The following SEL1L2 variants were observed in gnomAD, a reference collection of about 807,000 sequenced individuals.
SEL1L2 encodes protein sel-1 homolog 2.
Under a neutral mutation model 98.8 loss-of-function variants are expected in SEL1L2, and 89 were observed. The observed-to-expected ratio is 0.90, with a 90% CI of 0.76 to 1.07. The LOEUF is 1.07. Among genes scored for constraint, SEL1L2 ranks in the 50% least tolerant of loss-of-function variants. The pLI, the probability that SEL1L2 is intolerant of heterozygous loss-of-function variation, is 0.00. For synonymous variants in SEL1L2, 262 were observed against 278.5 expected, an observed-to-expected ratio of 0.94 and a Z score of 0.59; for missense variants, 788 against 812.0, an observed-to-expected ratio of 0.97 and a Z score of 0.36.
At chr20:13,908,052 T>A (rs935872969) in intron 5 of SEL1L2, among the ~76,000 whole-genome samples, 4 of 147,238 alleles carry the variant, frequency 2.7e-5, no homozygotes, top group African/African-American at 1.0e-4. Flanking sequence ...TCCCAAAGTG[T>A]TAGGATTACA....
rs554956114 is a variant in SEL1L2 at position 13,859,586 on chromosome 20, A to T, written c.1646-152T>A. 1.2e-3 allele frequency: 784 copies of T among 630,242 alleles called. 4 individuals carry two copies. The highest frequency in any genetic ancestry group is 1.9e-3 in the Non-Finnish European group (699 of 366,034). The allele number at this position is 630,242 out of a possible 1,614,324, so 39.0% of individuals were successfully genotyped here. A position where few individuals can be genotyped will look rare whatever the true frequency, so the allele number is the denominator to read the frequency against. On this transcript the variant is annotated intron_variant, in intron 17 of 19. Transcript: ENST00000284951. ...AGGAACCAAAAACACTCAGAACCCC[A>T]GAACTGGAATTAGATATACTTTATG...
At chr20:13,933,574 A>T (rs932189066) in intron 2 of SEL1L2, among the ~76,000 whole-genome samples, 1 of 152,148 alleles carries the variant, frequency 6.6e-6, no homozygotes. Context: ...TTCAGGGTTA[A>T]TCCATGTTGT....
chr20:13,914,969 T>A (rs937802839), intron 4 of SEL1L2, among the ~76,000 whole-genome samples: 12 of 152,246 alleles, frequency 7.9e-5, no homozygotes, highest in Admixed American at 3.9e-4. Flanking sequence ...CAGGGAGTAT[T>A]TTAGGGATTT....
chr20:13,984,503 T>C (rs1187950576), intron 1 of SEL1L2, among the ~76,000 whole-genome samples: 4 of 152,228 alleles, frequency 2.6e-5, no homozygotes, highest in Non-Finnish European at 5.9e-5. Flanking sequence ...TTAGCCTTGA[T>C]ATCCATCAAC....
intron 5 of SEL1L2, among the ~76,000 whole-genome samples, chr20:13,907,765 T>C (rs1323938975): frequency 6.7e-6 from 1 of 149,658 alleles, no homozygotes; most frequent in Non-Finnish European, 1.5e-5. Flanking sequence ...TCTTTTCTTT[T>C]CTTTTTTTTT....
At chr20:13,966,815 A>G (rs1448572118) in intron 1 of SEL1L2, among the ~76,000 whole-genome samples, 1 of 151,992 alleles carries the variant, frequency 6.6e-6, no homozygotes, top group African/African-American at 2.4e-5. Flanking sequence ...GTGTTTTATT[A>G]AATACATGGC....
intron 14 of SEL1L2, 144 bp downstream of exon 14, chr20:13,869,359 G>A (rs1354170580): frequency 3.1e-6 from 2 of 652,224 alleles, no homozygotes; most frequent in Non-Finnish European, 2.7e-6. Context: ...TTTTCTTTAG[G>A]CTTTTTCAAA....
At chr20:13,879,354 TA>T (rs1035079575) in intron 10 of SEL1L2, among the ~76,000 whole-genome samples, 15 of 152,210 alleles carry the variant, frequency 9.9e-5, no homozygotes, top group African/African-American at 3.4e-4. Flanking sequence ...TTTTTTTAAT[TA>T]AAAAAAATTT....
chr20:13,954,088 G>C (rs2050400490), intron 2 of SEL1L2, among the ~76,000 whole-genome samples: 1 of 151,852 alleles, frequency 6.6e-6, no homozygotes, highest in Non-Finnish European at 1.5e-5. Context: ...TTTTGTCGGG[G>C]AATGGAGGAG....
intron 9 of SEL1L2, 30 bp downstream of exon 9, chr20:13,886,258 T>G: frequency 6.5e-7 from 1 of 1,545,518 alleles, no homozygotes; most frequent in Non-Finnish European, 8.8e-7. Flanking sequence ...TTTCATGTTC[T>G]AAAAACTCAA....
intron 1 of SEL1L2, among the ~76,000 whole-genome samples, chr20:13,974,247 T>C (rs2051420799): frequency 6.6e-6 from 1 of 152,174 alleles, no homozygotes; most frequent in South Asian, 2.1e-4. Context: ...TTTTGTCTGG[T>C]ACTTCACTGT....
chr20:13,873,582 G>C (rs993137162), intron 12 of SEL1L2, among the ~76,000 whole-genome samples: 1 of 151,570 alleles, frequency 6.6e-6, no homozygotes, highest in African/African-American at 2.4e-5. Flanking sequence ...GGATGGTCTC[G>C]ATCTCTTGAC....
At chr20:13,915,854 T>C (rs1262241752) in intron 4 of SEL1L2, among the ~76,000 whole-genome samples, 1 of 152,080 alleles carries the variant, frequency 6.6e-6, no homozygotes, top group Non-Finnish European at 1.5e-5. Context: ...AAAAGACAAT[T>C]TAATTAGTTA....
At chr20:13,864,337 C>G (rs1236991254) in intron 17 of SEL1L2, among the ~76,000 whole-genome samples, 1 of 152,160 alleles carries the variant, frequency 6.6e-6, no homozygotes, top group East Asian at 1.9e-4. Flanking sequence ...ATCCTATTCA[C>G]TTCCTGTGAA....
At chr20:13,920,120 T>C (rs2048587690) in intron 3 of SEL1L2, among the ~76,000 whole-genome samples, 1 of 148,288 alleles carries the variant, frequency 6.7e-6, no homozygotes, top group South Asian at 2.1e-4. Context: ...CCCAGTTACT[T>C]GGGAGGCTGA....
intron 3 of SEL1L2, among the ~76,000 whole-genome samples, chr20:13,925,440 C>CTGGTGAGAG: frequency 6.6e-6 from 1 of 152,272 alleles, no homozygotes; most frequent in South Asian, 2.1e-4. Flanking sequence ...GAGGTTTTTC[C>CTGGTGAGAG]CTGTGAGAGC....
chr20:13,976,853 A>G (rs1459871277), intron 1 of SEL1L2, among the ~76,000 whole-genome samples: 1 of 152,216 alleles, frequency 6.6e-6, no homozygotes, highest in Non-Finnish European at 1.5e-5. Flanking sequence ...GTAAAAGAAT[A>G]AGGGAATGAA....
At position 13,849,584 on chromosome 20, in the gene SEL1L2, C is replaced by T. The variant is rs1385468915; in HGVS notation, c.1968G>A (p.Trp656Ter). 1 of 1,613,834 alleles carries T rather than the reference C, an allele frequency of 6.2e-7. No homozygotes were observed. The highest frequency in any genetic ancestry group is 1.3e-5 in the African/African-American group (1 of 74,910). The change falls in exon 20 of 20, where the codon TGG becomes TGA. Residue 656 changes from tryptophan to a stop codon, truncating the protein, a stop_gained. Transcript: ENST00000284951. LOFTEE classifies it high-confidence loss of function. ...LFFNFTTRWN[W>*]LKLDNTIGPH... Reference sequence around the variant, plus strand: ...GTCCAATGGTGTTGTCCAGTTTCAGCCAGTTCCATCTCGTTGTGAACTGCT... The same window carrying T: ...GTCCAATGGTGTTGTCCAGTTTCAGTCAGTTCCATCTCGTTGTGAACTGCT...
At chr20:13,870,229 A>G (rs770697421) in intron 12 of SEL1L2, 26 bp from the exon 13 acceptor site, 2 of 1,564,130 alleles carry the variant, frequency 1.3e-6, no homozygotes, top group East Asian at 4.5e-5. Context: ...AAAGCCAAGT[A>G]AAGTCCCAGA....
Sources: allele counts gnomAD v4.1 joint callset (sites outside exome capture counted in the v4.1 genomes callset), GRCh38; gene constraint gnomAD v4.1.1; transcripts MANE v1.5; gene names NCBI Gene and HGNC (gene_info 2026-07-23, HGNC 2026-07-21).